The following PXYLP1 variants were observed in gnomAD, a reference collection of about 807,000 sequenced individuals.
The protein encoded by PXYLP1 is acid phosphatase-like 2.
Under a neutral mutation model 37.9 loss-of-function variants are expected in PXYLP1, and 17 were observed. That is an observed-to-expected ratio of 0.45 (90% CI 0.31 to 0.67). The LOEUF (loss-of-function observed/expected upper bound fraction) is 0.67. Among genes scored for constraint, PXYLP1 ranks in the 30% least tolerant of loss-of-function variants. The probability of loss-of-function intolerance (pLI) is 0.07; values close to 1 mark genes in which losing one functional copy is unlikely to be tolerated. For synonymous variants in PXYLP1, 221 were observed against 232.2 expected, an observed-to-expected ratio of 0.95 and a Z score of 0.44; for missense variants, 511 against 612.0, an observed-to-expected ratio of 0.84 and a Z score of 1.74.
chr3:141,235,447 G>C (rs2107856359), intron 1 of PXYLP1: 1 of 152,282 alleles, frequency 6.6e-6, no homozygotes, highest in East Asian at 1.9e-4. Flanking sequence ...TTTTCCAATG[G>C]AGGAAGCTTC....
intron 1 of PXYLP1, among the ~76,000 whole-genome samples, chr3:141,254,833 G>A (rs1276750919): frequency 3.3e-5 from 5 of 152,028 alleles, no homozygotes; most frequent in Non-Finnish European, 7.4e-5. Context: ...CTTGGTAATG[G>A]TATTTTAACT....
intron 4 of PXYLP1, among the ~76,000 whole-genome samples, chr3:141,286,454 C>G (rs1474697325): frequency 6.6e-6 from 1 of 151,990 alleles, no homozygotes; most frequent in Non-Finnish European, 1.5e-5. Flanking sequence ...TTTCAGAGGT[C>G]AGAAAAATTA....
chr3:141,258,326 G>T (rs967872738), intron 1 of PXYLP1: 2 of 152,306 alleles, frequency 1.3e-5, no homozygotes, highest in Admixed American at 6.5e-5. Flanking sequence ...TGAGCTTCGG[G>T]CACGGAGGCA....
At chr3:141,237,864 G>C (rs1027482863) in intron 1 of PXYLP1, among the ~76,000 whole-genome samples, 1 of 152,194 alleles carries the variant, frequency 6.6e-6, no homozygotes, top group African/African-American at 2.4e-5. Flanking sequence ...GACCTTGCCA[G>C]CTCTTTGAAA....
intron 1 of PXYLP1, among the ~76,000 whole-genome samples, chr3:141,240,718 G>C (rs1940776368): frequency 6.6e-6 from 1 of 152,198 alleles, no homozygotes; most frequent in Non-Finnish European, 1.5e-5. Context: ...TGAGGGGCTA[G>C]TGGGGGTGTT....
chr3:141,281,264 C>T (rs932880039), intron 4 of PXYLP1, among the ~76,000 whole-genome samples: 9 of 152,144 alleles, frequency 5.9e-5, no homozygotes, highest in South Asian at 2.1e-4. Context: ...TGTGATGGTC[C>T]GGGGACAGAG....
intron 1 of PXYLP1, among the ~76,000 whole-genome samples, chr3:141,256,655 A>G (rs1941269796): frequency 6.6e-6 from 1 of 152,228 alleles, no homozygotes; most frequent in Non-Finnish European, 1.5e-5. Flanking sequence ...ATTTTAATAA[A>G]CCAAGACTAA....
At chr3:141,271,224 C>T (rs922999233) in intron 2 of PXYLP1, among the ~76,000 whole-genome samples, 1 of 152,172 alleles carries the variant, frequency 6.6e-6, no homozygotes, top group Non-Finnish European at 1.5e-5. Context: ...CCAGGTCACA[C>T]AGCTAGGAGG....
intron 2 of PXYLP1, chr3:141,273,376 T>A (rs1368125627): frequency 2.0e-6 from 2 of 985,376 alleles, no homozygotes; most frequent in African/African-American, 3.5e-5. Context: ...TGATGGTTAC[T>A]CTTCCTAGGT....
intron 5 of PXYLP1, among the ~76,000 whole-genome samples, chr3:141,288,029 C>T (rs1301020837): frequency 6.6e-6 from 1 of 152,230 alleles, no homozygotes; most frequent in Non-Finnish European, 1.5e-5. Context: ...CACATTTCTA[C>T]TGCATGTGGA....
rs758692178 is a variant in PXYLP1, at chr3:141,246,073, C to T, written c.-53-14050C>T. ...AGAAGACACCTAGCCTTTTGGGTCGCCTGGGGTCTGCGTGGCAAGGATGAC... is the reference window on the plus strand; with the variant it reads ...AGAAGACACCTAGCCTTTTGGGTCGTCTGGGGTCTGCGTGGCAAGGATGAC... On this transcript the variant is annotated intron_variant, in intron 1 of 5. Coordinates refer to ENST00000286353, the MANE Select transcript of PXYLP1 (RefSeq NM_001037172.3). Among the ~76,000 whole-genome samples the T allele has an allele frequency of 1.3e-5, 2 of 152,142 alleles. 1 individual carries two copies. Among genetic ancestry groups the T allele is most frequent in the South Asian group, 4.1e-4 (2 of 4,822 alleles).
At chr3:141,262,751 T>C in intron 2 of PXYLP1, 1 of 1,475,392 alleles carries the variant, frequency 6.8e-7, no homozygotes, top group Non-Finnish European at 9.2e-7. Flanking sequence ...AATTTCCCCA[T>C]TTCTGTAGAA....
chr3:141,242,920 A>G (rs1940846792), intron 1 of PXYLP1, among the ~76,000 whole-genome samples: 1 of 152,198 alleles, frequency 6.6e-6, no homozygotes, highest in South Asian at 2.1e-4. Flanking sequence ...TTCTATAACT[A>G]TCCTTGGCAT....
At chr3:141,247,154 G>C (rs1172005580) in intron 1 of PXYLP1, among the ~76,000 whole-genome samples, 1 of 152,232 alleles carries the variant, frequency 6.6e-6, no homozygotes, top group Non-Finnish European at 1.5e-5. Context: ...CCCAGGCCTG[G>C]AGTCCCCAGT....
Position 141,279,391 on chromosome 3 carries a change from T to A in PXYLP1, c.252T>A (p.His84Gln), listed in dbSNP as rs774955602. The A allele has an allele frequency of 3.7e-6, 6 of 1,614,226 alleles. No homozygotes were observed. The highest frequency in any genetic ancestry group is 5.1e-6 in the Non-Finnish European group (6 of 1,180,026). The change falls in exon 4 of 6, where the codon CAT (histidine) becomes CAA (glutamine). Residue 84 changes from histidine to glutamine, a missense_variant. Physicochemically the swap from His to Gln is conservative, Grantham distance 24. Transcript: ENST00000286353. Reference sequence around the variant, plus strand: ...TCTCTCGCGCAGGTCATGCCCCGCATCATTTTAAGCTGGTCTCAGTGCATG... The same window carrying A: ...TCTCTCGCGCAGGTCATGCCCCGCAACATTTTAAGCTGGTCTCAGTGCATG... ...AERSMEGHAPHHFKLVSVHVF... is the reference protein window; with the variant it reads ...AERSMEGHAPQHFKLVSVHVF...
intron 4 of PXYLP1, among the ~76,000 whole-genome samples, chr3:141,279,759 C>T (rs1941903385): frequency 6.6e-6 from 1 of 152,194 alleles, no homozygotes; most frequent in Non-Finnish European, 1.5e-5. Flanking sequence ...ATGTTTTTCA[C>T]TTTAATAAAC....
chr3:141,250,679 C>T (rs1361516758), intron 1 of PXYLP1, among the ~76,000 whole-genome samples: 1 of 152,206 alleles, frequency 6.6e-6, no homozygotes, highest in African/African-American at 2.4e-5. Context: ...CTGAGTATGG[C>T]TGTGATGCCT....
chr3:141,257,765 G>A (rs1941293748), intron 1 of PXYLP1, among the ~76,000 whole-genome samples: 1 of 152,050 alleles, frequency 6.6e-6, no homozygotes, highest in African/African-American at 2.4e-5. Context: ...AGTCGGGTGT[G>A]TGGTGGCAGC....
intron 3 of PXYLP1, among the ~76,000 whole-genome samples, chr3:141,278,826 G>A (rs1169682328): frequency 6.6e-6 from 1 of 152,252 alleles, no homozygotes; most frequent in Admixed American, 6.5e-5. Flanking sequence ...GCAGGCACTA[G>A]TGCAGCACAT....
Sources: allele counts gnomAD v4.1 joint callset (sites outside exome capture counted in the v4.1 genomes callset), GRCh38; gene constraint gnomAD v4.1.1; transcripts MANE v1.5; gene names NCBI Gene and HGNC (gene_info 2026-07-23, HGNC 2026-07-21).